The following MCTP1 variants were observed in gnomAD, a reference collection of about 807,000 sequenced individuals.
MCTP1 encodes the protein multiple C2 and transmembrane domain containing 1, also known as multiple C2 and transmembrane domain-containing protein 1.
MCTP1 carries 69 observed loss-of-function variants against 120.6 expected under a neutral mutation model. That is an observed-to-expected ratio of 0.57 (90% CI 0.47 to 0.70). MCTP1 has a LOEUF of 0.70. MCTP1 is among the 30% of genes least tolerant of loss of function. MCTP1 has a pLI of 0.00. For synonymous variants in MCTP1, 529 were observed against 493.1 expected (o/e 1.07, Z -0.96); for missense variants, 1,203 against 1,248.8 (o/e 0.96, Z 0.55).
At position 94,807,569 on chromosome 5, in the gene MCTP1, C is replaced by A. The variant is rs540721359; in HGVS notation, c.2437-8437G>T. Reference sequence around the variant, plus strand: ...ACCCCACCAATTGCCTCCTTAAATCCTTTTTGGCACAAGAAAGGGAATATA... The same window carrying A: ...ACCCCACCAATTGCCTCCTTAAATCATTTTTGGCACAAGAAAGGGAATATA... On this transcript the variant is annotated intron_variant, in intron 17 of 22. Transcript: ENST00000515393. 1.1e-4 allele frequency among the ~76,000 whole-genome samples: 16 copies of A among 152,248 alleles called. 1 individual carries two copies. The highest frequency in any genetic ancestry group is 3.6e-4 in the African/African-American group (15 of 41,544).
At chr5:94,756,325 G>A (rs576009835) in intron 19 of MCTP1, among the ~76,000 whole-genome samples, 1 of 152,308 alleles carries the variant, frequency 6.6e-6, no homozygotes, top group African/African-American at 2.4e-5. Context: ...GTGATTGTTG[G>A]CAGCAATTGT....
chr5:94,732,692 A>G (rs67577452), intron 19 of MCTP1, among the ~76,000 whole-genome samples: 34,601 of 151,966 alleles, frequency 0.23, 4,044 homozygotes, highest in East Asian at 0.35. Context: ...GTGACCTTAT[A>G]AAACAAACCC....
intron 1 of MCTP1, among the ~76,000 whole-genome samples, chr5:95,102,533 G>A (rs1306840916): frequency 6.6e-6 from 1 of 152,202 alleles, no homozygotes; most frequent in Admixed American, 6.5e-5. Flanking sequence ...GAAGTTGCAC[G>A]TCGGAAGTTG....
chr5:95,041,373 T>C (rs1435785824), intron 1 of MCTP1, among the ~76,000 whole-genome samples: 1 of 150,496 alleles, frequency 6.6e-6, no homozygotes, highest in Non-Finnish European at 1.5e-5. Context: ...TGAAACTATA[T>C]GGTAATTTTA....
chr5:94,947,564 A>AT (rs1819287499), intron 3 of MCTP1, among the ~76,000 whole-genome samples: 1 of 50,118 alleles, frequency 2.0e-5, no homozygotes, highest in East Asian at 5.9e-4. Flanking sequence ...AAATATATAT[A>AT]TATATATATA....
At position 94,984,796 on chromosome 5, in the gene MCTP1, G is replaced by A. The variant is rs73138005; in HGVS notation, c.839-31435C>T. 5.0e-3 allele frequency among the ~76,000 whole-genome samples: 757 copies of A among 151,980 alleles called. 10 individuals carry two copies. The highest frequency in any genetic ancestry group is 0.017 in the African/African-American group (695 of 41,476). On this transcript the variant is annotated intron_variant, in intron 2 of 22. Coordinates refer to ENST00000515393, the MANE Select transcript of MCTP1 (RefSeq NM_024717.7). ...AATACACTTTATATTTAATATAAAG[G>A]TAAATCACCTAAGAACACATTCGAT... is the stretch of plus-strand genomic sequence containing the variant.
chr5:94,870,894 TC>T lies in MCTP1; in HGVS notation c.2218del (p.Glu740LysfsTer2). The T allele has an allele frequency of 6.2e-7, 1 of 1,612,838 alleles. No individual in the cohort carries two copies. On this transcript the variant is annotated frameshift_variant, in exon 15 of 23. Coordinates refer to ENST00000515393, the MANE Select transcript of MCTP1 (RefSeq NM_024717.7). LOFTEE classifies it high-confidence loss of function. ...TACAGCATTAAAAATCACATCTATT[TC>T]AAGATAGATGACCCCCTTTGTTGGC... is the stretch of plus-strand genomic sequence containing the variant. ...TGPTKGVIYL[E>X]IDVIFNAVKA...
chr5:95,066,913 T>A (rs1430023778), intron 1 of MCTP1, among the ~76,000 whole-genome samples: 24 of 152,176 alleles, frequency 1.6e-4, no homozygotes, highest in Non-Finnish European at 1.5e-5. Context: ...TCTAGATCCC[T>A]CACATGCGCA....
At chr5:95,246,186 A>T (rs889197565) in intron 1 of MCTP1, among the ~76,000 whole-genome samples, 5 of 152,176 alleles carry the variant, frequency 3.3e-5, no homozygotes, top group Non-Finnish European at 7.3e-5. Context: ...AACACTAAAT[A>T]TGGAAAGGAA....
At chr5:95,057,939 A>T (rs1458536903) in intron 1 of MCTP1, among the ~76,000 whole-genome samples, 2 of 152,192 alleles carry the variant, frequency 1.3e-5, no homozygotes, top group Non-Finnish European at 2.9e-5. Context: ...TTATTCCAAC[A>T]ACTGAAGCCT....
chr5:94,726,043 T>C (rs566495895), intron 19 of MCTP1, among the ~76,000 whole-genome samples: 3 of 152,356 alleles, frequency 2.0e-5, no homozygotes, highest in Non-Finnish European at 4.4e-5. Flanking sequence ...AACTTCTTTG[T>C]CATATGTATC....
intron 2 of MCTP1, among the ~76,000 whole-genome samples, chr5:94,993,912 T>C (rs1318919889): frequency 6.6e-6 from 1 of 152,220 alleles, no homozygotes; most frequent in Non-Finnish European, 1.5e-5. Flanking sequence ...GCTCAATAAC[T>C]AAATTGACTA....
At chr5:95,171,977 G>C (rs774784143) in intron 1 of MCTP1, among the ~76,000 whole-genome samples, 2 of 152,190 alleles carry the variant, frequency 1.3e-5, no homozygotes, top group Non-Finnish European at 2.9e-5. Flanking sequence ...TAAAGGGGGA[G>C]AGGTGCTTTG....
intron 1 of MCTP1, among the ~76,000 whole-genome samples, chr5:95,227,287 C>T (rs10043529): frequency 0.13 from 19,178 of 152,126 alleles, 1,491 homozygotes; most frequent in Non-Finnish European, 0.18. Flanking sequence ...TTAATCACAA[C>T]ACCTTATAGT....
chr5:94,953,131 T>G (rs781195559), intron 3 of MCTP1, 88 bp downstream of exon 3: 2 of 1,236,800 alleles, frequency 1.6e-6, no homozygotes, highest in Non-Finnish European at 2.2e-6. Context: ...TGGTGAAAAC[T>G]CTCATCAGAC....
intron 17 of MCTP1, among the ~76,000 whole-genome samples, chr5:94,831,041 G>T (rs1788399059): frequency 6.6e-6 from 1 of 152,118 alleles, no homozygotes. Context: ...TCCATGTCTA[G>T]ATATAAAAGA....
At chr5:95,031,491 T>C (rs1340617730) in intron 1 of MCTP1, among the ~76,000 whole-genome samples, 1 of 152,128 alleles carries the variant, frequency 6.6e-6, no homozygotes, top group Non-Finnish European at 1.5e-5. Flanking sequence ...TTAGCTTTCT[T>C]TAAGAGAAAA....
chr5:94,889,062 C>A (rs534144334), intron 11 of MCTP1, 90 bp from the exon 12 acceptor site: 3 of 813,204 alleles, frequency 3.7e-6, no homozygotes, highest in Non-Finnish European at 6.1e-6. Flanking sequence ...TTTAGTTTAT[C>A]TTCAGACTCT....
At chr5:95,252,462 A>G (rs1209472789) in intron 1 of MCTP1, among the ~76,000 whole-genome samples, 1 of 152,204 alleles carries the variant, frequency 6.6e-6, no homozygotes, top group Non-Finnish European at 1.5e-5. Context: ...AAAAAGATGT[A>G]TATAGATTTC....
Sources: allele counts gnomAD v4.1 joint callset (sites outside exome capture counted in the v4.1 genomes callset), GRCh38; gene constraint gnomAD v4.1.1; transcripts MANE v1.5; gene names NCBI Gene and HGNC (gene_info 2026-07-23, HGNC 2026-07-21).